SMYD3: variants seen among roughly 807,000 people sequenced by gnomAD.
SMYD3 encodes the protein SET and MYND domain containing 3, also known as histone-lysine N-methyltransferase SMYD3.
A neutral mutation model predicts 57.7 loss-of-function variants in SMYD3; 36 were observed. The ratio of observed to expected loss-of-function variants is 0.62; its 90% CI spans 0.48 to 0.82. SMYD3 has a LOEUF of 0.82. Among genes scored for constraint, SMYD3 ranks in the 40% least tolerant of loss-of-function variants. SMYD3 has a pLI of 0.00. For missense variants in SMYD3, 515 were observed against 538.8 expected, an observed-to-expected ratio of 0.96 and a Z score of 0.44; for synonymous variants, 211 against 195.0, an observed-to-expected ratio of 1.08 and a Z score of -0.68.
intron 8 of SMYD3, among the ~76,000 whole-genome samples, chr1:245,911,415 C>T (rs962127057): frequency 2.4e-4 from 36 of 151,812 alleles, no homozygotes; most frequent in African/African-American, 7.3e-4. Flanking sequence ...ATCTGCACTC[C>T]CATGTTTATT....
At chr1:246,369,075 T>A (rs1203320141) in intron 1 of SMYD3, among the ~76,000 whole-genome samples, 1 of 152,200 alleles carries the variant, frequency 6.6e-6, no homozygotes, top group Non-Finnish European at 1.5e-5. Context: ...ACCACTGAAC[T>A]AAAATGAGCA....
intron 8 of SMYD3, among the ~76,000 whole-genome samples, chr1:245,895,457 A>G (rs1053877684): frequency 2.0e-5 from 3 of 152,202 alleles, no homozygotes; most frequent in African/African-American, 2.4e-5. Context: ...TCATCCCACC[A>G]GGAGACAGTT....
chr1:246,113,505 G>C (rs367818940), intron 5 of SMYD3, among the ~76,000 whole-genome samples: 11 of 152,298 alleles, frequency 7.2e-5, no homozygotes, highest in African/African-American at 2.6e-4. Context: ...AGATAAAATA[G>C]AGAACTTCAT....
At chr1:245,784,843 ATTTTT>A (rs74163079) in intron 10 of SMYD3, among the ~76,000 whole-genome samples, 2 of 115,736 alleles carry the variant, frequency 1.7e-5, no homozygotes, top group African/African-American at 3.6e-5. Context: ...TTTAGACTGA[ATTTTT>A]TTTTTTTTTT....
chr1:245,867,864 G>A (rs78360773), intron 8 of SMYD3, among the ~76,000 whole-genome samples: 2,976 of 152,320 alleles, frequency 0.02, 101 homozygotes, highest in African/African-American at 0.068. Context: ...AGAGCGGAGG[G>A]CAAGTGCGGA....
chr1:246,334,736 A>G (rs901527206), intron 3 of SMYD3, among the ~76,000 whole-genome samples: 1 of 152,232 alleles, frequency 6.6e-6, no homozygotes, highest in Non-Finnish European at 1.5e-5. Flanking sequence ...ACTTTTTTTA[A>G]AACAGAGAGA....
chr1:245,996,314 T>A (rs1322194808), intron 5 of SMYD3, among the ~76,000 whole-genome samples: 1 of 152,158 alleles, frequency 6.6e-6, no homozygotes, highest in African/African-American at 2.4e-5. Flanking sequence ...GCTCATAACT[T>A]CCCTAGACTC....
intron 10 of SMYD3, among the ~76,000 whole-genome samples, chr1:245,828,900 G>A (rs11583643): frequency 2.0e-5 from 3 of 151,726 alleles, no homozygotes; most frequent in Non-Finnish European, 4.4e-5. Flanking sequence ...ATGGGGTTTC[G>A]CCATGTTGGC....
intron 5 of SMYD3, among the ~76,000 whole-genome samples, chr1:245,989,547 C>G (rs1051551498): frequency 7.9e-5 from 12 of 152,208 alleles, no homozygotes; most frequent in Admixed American, 5.2e-4. Flanking sequence ...AAGAAACAAC[C>G]ACTCATTCAT....
At chr1:246,165,599 A>G (rs961221836) in intron 5 of SMYD3, among the ~76,000 whole-genome samples, 1 of 152,156 alleles carries the variant, frequency 6.6e-6, no homozygotes, top group Non-Finnish European at 1.5e-5. Context: ...CTTCCACCTT[A>G]TAGCCTCAGG....
intron 5 of SMYD3, among the ~76,000 whole-genome samples, chr1:245,995,207 T>C (rs1205101953): frequency 6.6e-6 from 1 of 152,232 alleles, no homozygotes; most frequent in Non-Finnish European, 1.5e-5. Flanking sequence ...ATTGTCATGC[T>C]TGTTAAAGTT....
chr1:246,370,759 G>C (rs2066180815), intron 1 of SMYD3, among the ~76,000 whole-genome samples: 1 of 152,130 alleles, frequency 6.6e-6, no homozygotes, highest in Non-Finnish European at 1.5e-5. Context: ...CTACATCTAC[G>C]TGTGTCACAA....
At chr1:245,751,542 AAG>A (rs1265115060) in intron 11 of SMYD3, among the ~76,000 whole-genome samples, 1 of 129,478 alleles carries the variant, frequency 7.7e-6, no homozygotes, top group South Asian at 2.3e-4. Context: ...AAGAGAGAGA[AAG>A]AGAGAGAGAG....
intron 5 of SMYD3, chr1:246,113,581 G>T (rs1429588148): frequency 6.6e-6 from 1 of 152,186 alleles, no homozygotes; most frequent in Non-Finnish European, 1.5e-5. Flanking sequence ...TGTTAAAATG[G>T]TACAAGGAGG....
chr1:246,433,158 T>C (rs1393281476), intron 1 of SMYD3, among the ~76,000 whole-genome samples: 1 of 152,148 alleles, frequency 6.6e-6, no homozygotes, highest in Non-Finnish European at 1.5e-5. Flanking sequence ...AAATCAGCAT[T>C]TCTATACCCC....
intron 5 of SMYD3, among the ~76,000 whole-genome samples, chr1:246,172,233 C>G (rs940904825): frequency 6.6e-6 from 1 of 151,340 alleles, no homozygotes; most frequent in South Asian, 2.1e-4. Context: ...TAGACTTTAT[C>G]AACACCACAC....
At chr1:245,762,104 T>C (rs1205964909) in intron 11 of SMYD3, among the ~76,000 whole-genome samples, 2 of 152,126 alleles carry the variant, frequency 1.3e-5, no homozygotes, top group African/African-American at 4.8e-5. Flanking sequence ...TTCAAAGTAG[T>C]AGAAGTATTT....
chr1:245,785,487 A>G (rs1466594251), intron 10 of SMYD3, among the ~76,000 whole-genome samples: 1 of 152,142 alleles, frequency 6.6e-6, no homozygotes, highest in Non-Finnish European at 1.5e-5. Flanking sequence ...CTAGGTGCTC[A>G]AAAGGCCAAA....
intron 5 of SMYD3, among the ~76,000 whole-genome samples, chr1:246,071,974 G>C (rs10924487): frequency 8.3e-6 from 1 of 120,976 alleles, no homozygotes; most frequent in African/African-American, 2.9e-5. Context: ...GGAGGGATTC[G>C]TGTGCTTTCC....
Sources: gnomAD v4.1 joint callset for allele counts (sites outside exome capture counted in the v4.1 genomes callset) on GRCh38, gnomAD v4.1.1 for gene constraint, MANE v1.5 for transcripts, NCBI Gene and HGNC (gene_info 2026-07-23, HGNC 2026-07-21) for gene names.